NTRK1: variants seen among roughly 807,000 people sequenced by gnomAD.
The protein encoded by NTRK1 is high affinity nerve growth factor receptor.
Under a neutral mutation model 86.8 loss-of-function variants are expected in NTRK1, and 62 were observed. That is an observed-to-expected ratio of 0.71 (90% CI 0.58 to 0.88). The LOEUF is 0.88. Among genes scored for constraint, NTRK1 ranks in the 40% least tolerant of loss-of-function variants. The pLI is 0.00. For synonymous variants in NTRK1, 469 were observed against 456.6 expected, an observed-to-expected ratio of 1.03 and a Z score of -0.35; for missense variants, 967 against 1,078.4, an observed-to-expected ratio of 0.90 and a Z score of 1.45.
intron 1 of NTRK1, chr1:156,837,787 A>G (rs1336949315): frequency 1.3e-5 from 2 of 152,274 alleles, no homozygotes; most frequent in Non-Finnish European, 2.9e-5. Context: ...GAGCTTCCAC[A>G]GTGCGTCCAC....
Position 156,864,385 on chromosome 1 carries a change from C to T in NTRK1, c.244C>T (p.Leu82=). ...YIENQQHLQH[L]ELRDLRGLGE... ...CGAGAACCAGCAGCATCTGCAGCATCTGGAGCTCCGTGATCTGAGGGGCCT... is the reference window on the plus strand; with the variant it reads ...CGAGAACCAGCAGCATCTGCAGCATTTGGAGCTCCGTGATCTGAGGGGCCT... Residue 82 remains leucine, a synonymous_variant, in exon 2 of 17, where the codon CTG becomes TTG. Coordinates refer to ENST00000524377, the MANE Select transcript of NTRK1 (RefSeq NM_002529.4). 2 of 1,614,164 alleles carry T rather than the reference C, an allele frequency of 1.2e-6. No individual in the cohort carries two copies. The highest frequency in any genetic ancestry group is 1.7e-6 in the Non-Finnish European group (2 of 1,180,026).
intron 3 of NTRK1, among the ~76,000 whole-genome samples, chr1:156,865,488 G>T (rs767595061): frequency 1.2e-4 from 18 of 152,332 alleles, no homozygotes; most frequent in South Asian, 2.1e-4. Context: ...AGGCGGTAAT[G>T]CTCACTCACC....
At position 156,861,030 on chromosome 1, in the gene NTRK1, C is replaced by G; in HGVS notation, c.96C>G (p.Gly32=). ...LLAWLILASA[G]AAPCPDACCP... ...CTTGGCTGATACTGGCATCTGCGGGCGCCGCACCCTGCCCCGATGCCTGCT... is the reference window on the plus strand; with the variant it reads ...CTTGGCTGATACTGGCATCTGCGGGGGCCGCACCCTGCCCCGATGCCTGCT... Residue 32 remains glycine (G), a synonymous_variant, in exon 1 of 17, where the codon GGC becomes GGG. Coordinates refer to ENST00000524377, the MANE Select transcript of NTRK1 (RefSeq NM_002529.4). 6.5e-7 allele frequency: 1 copy of G among 1,544,442 alleles called. No individual in the cohort carries two copies. The highest frequency in any genetic ancestry group is 1.9e-5 in the Admixed American group (1 of 52,270).
intron 1 of NTRK1, among the ~76,000 whole-genome samples, chr1:156,836,458 G>T (rs1326562206): frequency 6.6e-6 from 1 of 152,142 alleles, no homozygotes; most frequent in African/African-American, 2.4e-5. Flanking sequence ...ACATCTAGAG[G>T]CCTTGGTGAT....
chr1:156,843,271 C>T (rs2102855142), intron 2 of NTRK1: 1 of 1,593,036 alleles, frequency 6.3e-7, no homozygotes, highest in Non-Finnish European at 8.6e-7. Context: ...GAGGATGCTG[C>T]TCTCTGCCAC....
rs1026300967 is a variant in NTRK1 at position 156,868,246 on chromosome 1, T to C, written c.571T>C (p.Cys191Arg). The C allele has an allele frequency of 1.2e-6, 2 of 1,609,212 alleles. No individual in the cohort carries two copies. Among genetic ancestry groups the C allele is most frequent in the Admixed American group, 1.7e-5 (1 of 60,028 alleles). Residue 191 changes from cysteine to arginine, a missense_variant, in exon 5 of 17, where the codon TGT becomes CGT. Physicochemically the swap from Cys to Arg is radical, Grantham distance 180 (BLOSUM62 -3). Coordinates refer to ENST00000524377, the MANE Select transcript of NTRK1 (RefSeq NM_002529.4). ...CCTGGCCCACATGCCCAATGCCAGC[T>C]GTGGTAGGTGCCGGGTGAGGGAGGT... ...GPLAHMPNAS[C>R]GVPTLKVQVP...
At chr1:156,873,396 AT>A (rs1335852136) in intron 7 of NTRK1, among the ~76,000 whole-genome samples, 1 of 151,960 alleles carries the variant, frequency 6.6e-6, no homozygotes, top group East Asian at 1.9e-4. Flanking sequence ...CCCACCACTT[AT>A]GTTCTTTAAG....
chr1:156,844,423 T>G, intron 2 of NTRK1: 1 of 1,600,700 alleles, frequency 6.2e-7, no homozygotes, highest in Non-Finnish European at 8.5e-7. Flanking sequence ...CAGGTAGGGC[T>G]GTTCGGTGAT....
Position 156,876,229 on chromosome 1 carries a change from G to A in NTRK1, c.1632+19G>A, listed in dbSNP as rs1464623397. On this transcript the variant is annotated intron_variant, in intron 13 of 16. Coordinates refer to ENST00000524377, the MANE Select transcript of NTRK1 (RefSeq NM_002529.4). Reference sequence around the variant, plus strand: ...TGTCAAGGTGAGACCCTGCCCCGGGGGGTACTGCTGGCCTGGGTCCCACCC... The same window carrying A: ...TGTCAAGGTGAGACCCTGCCCCGGGAGGTACTGCTGGCCTGGGTCCCACCC... 10 of 1,613,476 alleles carry A rather than the reference G, an allele frequency of 6.2e-6. No homozygotes were observed. The highest frequency in any genetic ancestry group is 8.5e-6 in the Non-Finnish European group (10 of 1,180,024).
chr1:156,845,429 G>T, intron 2 of NTRK1: 1 of 1,541,020 alleles, frequency 6.5e-7, no homozygotes, highest in Non-Finnish European at 8.7e-7. Context: ...GAGGCCAGGA[G>T]TAGCCCTATC....
At chr1:156,840,966 C>A (rs1367571667) in intron 1 of NTRK1, 2 of 1,613,684 alleles carry the variant, frequency 1.2e-6, no homozygotes, top group African/African-American at 2.7e-5. Context: ...AGCCCCGGGC[C>A]CCCCGGCATT....
At chr1:156,880,565 A>C in intron 16 of NTRK1, 2 of 192,084 alleles carry the variant, frequency 1.0e-5, no homozygotes, top group South Asian at 1.1e-4. Flanking sequence ...GGACAGTCCT[A>C]CCCCCTCCCC....
chr1:156,864,630 G>A, intron 2 of NTRK1, 98 bp from the exon 3 acceptor site: 2 of 1,358,666 alleles, frequency 1.5e-6, no homozygotes, highest in Non-Finnish European at 2.1e-6. Context: ...AGGGGTAGGG[G>A]TTCAGCACAG....
In NTRK1 at chr1:156,881,553, C is replaced by A. The variant is rs2102931145; in HGVS notation, c.2302C>A (p.Pro768Thr). ...AIMRGCWQRE[P>T]QQRHSIKDVH... is the part of the protein sequence containing the mutation. ...CATGCGGGGCTGCTGGCAGCGGGAGCCCCAGCAACGCCACAGCATCAAGGA... is the reference window on the plus strand; with the variant it reads ...CATGCGGGGCTGCTGGCAGCGGGAGACCCAGCAACGCCACAGCATCAAGGA... The change falls in exon 17 of 17, where the codon CCC (proline) becomes ACC (threonine). Residue 768 changes from proline to threonine, a missense_variant. Pro to Thr is a conservative substitution (Grantham distance 38). Around this residue, in one of 2 missense-constraint regions of NTRK1, gnomAD observed 637 missense variants for 776.5 expected, o/e 0.82. Coordinates refer to ENST00000524377, the MANE Select transcript of NTRK1 (RefSeq NM_002529.4). The A allele has an allele frequency of 6.2e-7, 1 of 1,609,784 alleles. No homozygotes were observed. The highest frequency in any genetic ancestry group is 8.5e-7 in the Non-Finnish European group (1 of 1,178,466).
chr1:156,845,758 G>C, intron 2 of NTRK1: 1 of 1,613,598 alleles, frequency 6.2e-7, no homozygotes, highest in Non-Finnish European at 8.5e-7. Flanking sequence ...TCGGCCTCAG[G>C]ATCCCCGTCT....
chr1:156,854,307 T>A lies in NTRK1; in HGVS notation c.51-10047T>A. Reference sequence around the variant, plus strand: ...CGAATATCCAGGCTGGGGCACACTGTGGGCATACACGGCACGCAGCATTGA... The same window carrying A: ...CGAATATCCAGGCTGGGGCACACTGAGGGCATACACGGCACGCAGCATTGA... On this transcript the variant is annotated intron_variant, in intron 2 of 16. Coordinates refer to the NTRK1 transcript ENST00000392302. This position sits in a 1 kb window ranked among gnomAD's most constrained non-coding sequence, Gnocchi z 4.2. 6.2e-7 allele frequency: 1 copy of A among 1,606,290 alleles called. No individual in the cohort carries two copies. The highest frequency in any genetic ancestry group is 8.5e-7 in the Non-Finnish European group (1 of 1,176,808).
intron 10 of NTRK1, 101 bp downstream of exon 10, chr1:156,874,727 A>G (rs1025809314): frequency 5.1e-6 from 7 of 1,367,534 alleles, no homozygotes; most frequent in Non-Finnish European, 7.2e-6. Context: ...GATCACTACC[A>G]TCTGGCCTGA....
At chr1:156,827,880 G>A (rs779524463) in intron 1 of NTRK1, among the ~76,000 whole-genome samples, 36 of 152,252 alleles carry the variant, frequency 2.4e-4, no homozygotes, top group Non-Finnish European at 4.0e-4. Flanking sequence ...ATTAGTGTAT[G>A]AATTTATAAT....
chr1:156,859,370 A>G (rs1187366520), upstream of NTRK1, among the ~76,000 whole-genome samples: 6 of 151,954 alleles, frequency 3.9e-5, no homozygotes, highest in Admixed American at 3.9e-4. This position sits in a 1 kb window ranked among gnomAD's most constrained non-coding sequence, Gnocchi z 6.2. Context: ...TCCCCACCAC[A>G]GGCTTCTTCC....
Sources: gnomAD v4.1 joint callset for allele counts (sites outside exome capture counted in the v4.1 genomes callset) on GRCh38, gnomAD v4.1.1 for gene constraint, gnomAD v4.1.1 regional missense constraint, Gnocchi (gnomAD v3.1) non-coding constraint, MANE v1.5 for transcripts, NCBI Gene and HGNC (gene_info 2026-07-23, HGNC 2026-07-21) for gene names.